ARHGAP15: variants seen among roughly 807,000 people sequenced by gnomAD.
ARHGAP15 encodes Rho GTPase activating protein 15.
ARHGAP15 carries 51 observed loss-of-function variants against 63.7 expected under a neutral mutation model. That is an observed-to-expected ratio of 0.80 (90% CI 0.64 to 1.01). The LOEUF is 1.01. ARHGAP15 is among the 50% of genes least tolerant of loss of function. ARHGAP15 has a pLI of 0.00. For missense variants in ARHGAP15, 560 were observed against 564.6 expected, an observed-to-expected ratio of 0.99 and a Z score of 0.08; for synonymous variants, 191 against 193.8, an observed-to-expected ratio of 0.99 and a Z score of 0.12.
intron 6 of ARHGAP15, among the ~76,000 whole-genome samples, chr2:143,256,734 G>C (rs1457196198): frequency 6.6e-6 from 1 of 152,068 alleles, no homozygotes; most frequent in Non-Finnish European, 1.5e-5. Flanking sequence ...CGGTCACACA[G>C]ATTTTGCACA....
At chr2:143,598,171 G>T (rs1465586434) in intron 11 of ARHGAP15, among the ~76,000 whole-genome samples, 1 of 152,120 alleles carries the variant, frequency 6.6e-6, no homozygotes, top group Non-Finnish European at 1.5e-5. Flanking sequence ...CATTATCCCA[G>T]CAGGAGTGTC....
At chr2:143,596,217 T>C (rs2105180844) in intron 11 of ARHGAP15, among the ~76,000 whole-genome samples, 1 of 152,284 alleles carries the variant, frequency 6.6e-6, no homozygotes, top group Middle Eastern at 3.4e-3. Flanking sequence ...CCTTCTAGAC[T>C]GAGTCAATAT....
intron 8 of ARHGAP15, among the ~76,000 whole-genome samples, chr2:143,440,570 G>A (rs894041364): frequency 9.9e-5 from 15 of 152,250 alleles, no homozygotes; most frequent in East Asian, 5.8e-4. Context: ...TGGTGATTTC[G>A]TTGTCCAGTT....
chr2:143,352,240 C>T (rs554198645), intron 6 of ARHGAP15, among the ~76,000 whole-genome samples: 59 of 152,156 alleles, frequency 3.9e-4, no homozygotes, highest in Admixed American at 6.5e-4. Context: ...GTTTGGAAAA[C>T]ATTTGTTTAA....
At chr2:143,189,894 A>G (rs1691613109) in intron 2 of ARHGAP15, among the ~76,000 whole-genome samples, 1 of 151,950 alleles carries the variant, frequency 6.6e-6, no homozygotes, top group South Asian at 2.1e-4. Context: ...CTCATTTATT[A>G]TTTCTGTTTT....
intron 6 of ARHGAP15, among the ~76,000 whole-genome samples, chr2:143,434,831 C>A (rs755677817): frequency 1.6e-4 from 25 of 152,168 alleles, no homozygotes; most frequent in Non-Finnish European, 3.1e-4. Flanking sequence ...GAGTATTGCT[C>A]TGTTTCTGTA....
intron 6 of ARHGAP15, among the ~76,000 whole-genome samples, chr2:143,376,173 G>T (rs1686800899): frequency 6.6e-6 from 1 of 152,138 alleles, no homozygotes; most frequent in Admixed American, 6.6e-5. Context: ...AGTGGAAGGA[G>T]AAATGAACTA....
intron 6 of ARHGAP15, among the ~76,000 whole-genome samples, chr2:143,259,752 G>A (rs1227476743): frequency 6.6e-6 from 1 of 152,170 alleles, no homozygotes; most frequent in Non-Finnish European, 1.5e-5. Flanking sequence ...GATTCAGGGA[G>A]AGGAAATGAG....
chr2:143,384,718 T>G (rs1172471208), intron 6 of ARHGAP15, among the ~76,000 whole-genome samples: 1 of 152,188 alleles, frequency 6.6e-6, no homozygotes, highest in Non-Finnish European at 1.5e-5. Flanking sequence ...CCTTCTGTTG[T>G]GCTATCATCT....
intron 10 of ARHGAP15, among the ~76,000 whole-genome samples, chr2:143,529,303 T>A (rs1694422231): frequency 6.6e-6 from 1 of 152,098 alleles, no homozygotes. Flanking sequence ...GAGCTCTACT[T>A]TCTTACTATC....
chr2:143,290,542 TCATATAA>T (rs1379688185), intron 6 of ARHGAP15, among the ~76,000 whole-genome samples: 1 of 152,160 alleles, frequency 6.6e-6, no homozygotes, highest in Non-Finnish European at 1.5e-5. Context: ...ATCTGGATTT[TCATATAA>T]CATATATTTA....
At chr2:143,635,009 T>TAACA (rs905432904) in intron 12 of ARHGAP15, among the ~76,000 whole-genome samples, 8 of 152,012 alleles carry the variant, frequency 5.3e-5, no homozygotes, top group African/African-American at 1.7e-4. Context: ...GGGAAATTTG[T>TAACA]AACACTGTAG....
At chr2:143,509,124 C>T (rs1574551883) in intron 9 of ARHGAP15, among the ~76,000 whole-genome samples, 1 of 152,194 alleles carries the variant, frequency 6.6e-6, no homozygotes, top group Non-Finnish European at 1.5e-5. Flanking sequence ...AGATCCTCTT[C>T]CCCCAGGCTA....
At chr2:143,603,797 C>G (rs1385468612) in intron 11 of ARHGAP15, among the ~76,000 whole-genome samples, 1 of 152,128 alleles carries the variant, frequency 6.6e-6, no homozygotes, top group East Asian at 1.9e-4. Flanking sequence ...TTATCATGTT[C>G]TCAGTGGAAA....
chr2:143,423,551 G>GA (rs1402447512), intron 6 of ARHGAP15, among the ~76,000 whole-genome samples: 3 of 152,092 alleles, frequency 2.0e-5, no homozygotes, highest in South Asian at 4.1e-4. Flanking sequence ...ACAGTAGTGA[G>GA]ATGCACACCA....
intron 12 of ARHGAP15, among the ~76,000 whole-genome samples, chr2:143,677,250 C>A (rs1682872762): frequency 6.6e-6 from 1 of 152,202 alleles, no homozygotes; most frequent in Non-Finnish European, 1.5e-5. Context: ...GTGTGGTGAA[C>A]AGCAAGTGTT....
chr2:143,587,738 AC>A, intron 11 of ARHGAP15: 1 of 470,598 alleles, frequency 2.1e-6, no homozygotes, highest in South Asian at 1.6e-5. Flanking sequence ...ACCTGTGGAC[AC>A]CCCTAGTAAG....
At chr2:143,210,636 AG>A (rs1692528280) in intron 3 of ARHGAP15, among the ~76,000 whole-genome samples, 1 of 152,168 alleles carries the variant, frequency 6.6e-6, no homozygotes, top group African/African-American at 2.4e-5. Flanking sequence ...AAAGTAAGGG[AG>A]GGAGGCTACC....
At chr2:143,542,787 ATAAT>A (rs1433828057) in intron 10 of ARHGAP15, among the ~76,000 whole-genome samples, 1 of 127,342 alleles carries the variant, frequency 7.9e-6, no homozygotes, top group African/African-American at 3.2e-5. Flanking sequence ...TATGATATAT[ATAAT>A]ATCACATATA....
Sources: allele counts gnomAD v4.1 joint callset (sites outside exome capture counted in the v4.1 genomes callset), GRCh38; gene constraint gnomAD v4.1.1; transcripts MANE v1.5; gene names NCBI Gene and HGNC (gene_info 2026-07-23, HGNC 2026-07-21).